The following DIP2B variants were observed in gnomAD, a reference collection of about 807,000 sequenced individuals.
The protein encoded by DIP2B is disco-interacting protein 2 homolog B.
Under a neutral mutation model 198.0 loss-of-function variants are expected in DIP2B, and 76 were observed. The observed-to-expected ratio is 0.38, with a 90% confidence interval of 0.32 to 0.46. The LOEUF (loss-of-function observed/expected upper bound fraction) is 0.46, where lower values mean the gene tolerates loss of function less well. Ranked by LOEUF, DIP2B falls within the 20% of genes least tolerant of loss-of-function variation. DIP2B has a pLI of 0.99. For missense variants in DIP2B, 1,559 were observed against 1,978.4 expected, an observed-to-expected ratio of 0.79 and a Z score of 4.02; for synonymous variants, 701 against 739.1, an observed-to-expected ratio of 0.95 and a Z score of 0.84.
chr12:50,689,145 C>T (rs1351033591), intron 12 of DIP2B, among the ~76,000 whole-genome samples: 1 of 152,172 alleles, frequency 6.6e-6, no homozygotes, highest in African/African-American at 2.4e-5. Context: ...CCCCTATTAT[C>T]CTAACACCTT....
Position 50,745,058 on chromosome 12 carries a change from C to T in DIP2B, c.*219C>T, listed in dbSNP as rs758095342. ...AACATTTGGTAGACATGTGCTTTGA[C>T]ATAGCGTGAGCAGCACATTACTAAA... On this transcript the variant is annotated 3_prime_UTR_variant, in exon 38 of 38. Transcript: ENST00000301180. The T allele has an allele frequency of 1.7e-5, 10 of 599,796 alleles. No homozygotes were observed. The highest frequency in any genetic ancestry group is 2.9e-5 in the Non-Finnish European group (10 of 349,846). 37.2% of individuals were successfully genotyped at this position (599,796 alleles called of 1,614,324 possible). A position where few individuals can be genotyped will look rare whatever the true frequency, so the allele number is the denominator to read the frequency against.
intron 23 of DIP2B, among the ~76,000 whole-genome samples, chr12:50,715,945 T>A (rs1939706630): frequency 6.6e-6 from 1 of 152,214 alleles, no homozygotes; most frequent in Non-Finnish European, 1.5e-5. Flanking sequence ...TACAGCAGTG[T>A]CTGCAATTAG....
chr12:50,740,734 T>C (rs1333641831), intron 36 of DIP2B, among the ~76,000 whole-genome samples: 1 of 152,240 alleles, frequency 6.6e-6, no homozygotes, highest in Non-Finnish European at 1.5e-5. Flanking sequence ...ACAAGCCTGT[T>C]AGAAACCAGG....
chr12:50,548,072 A>G (rs1227623063), intron 1 of DIP2B, among the ~76,000 whole-genome samples: 1 of 152,172 alleles, frequency 6.6e-6, no homozygotes, highest in Non-Finnish European at 1.5e-5. Context: ...CCTGCCTTTT[A>G]AAGAATAAAA....
At chr12:50,597,404 G>A (rs79381786) in intron 1 of DIP2B, among the ~76,000 whole-genome samples, 2,089 of 152,160 alleles carry the variant, frequency 0.014, 41 homozygotes, top group African/African-American at 0.047. Context: ...TTATCCATTG[G>A]GCAAATAACT....
In DIP2B at chr12:50,515,634, C is replaced by G. The variant is rs542770455; in HGVS notation, c.100+10394C>G. ...CCTCGTGCTCTCTCTGGGGTTTCTT[C>G]TACTCTTTCTTTCTCCTGATGAGGG... On this transcript the variant is annotated intron_variant, in intron 1 of 37. Transcript: ENST00000301180. Among the ~76,000 whole-genome samples the G allele has an allele frequency of 6.6e-5, 10 of 152,256 alleles. 1 individual carries two copies. The South Asian group carries it at 2.1e-3, about 32-fold the overall frequency.
chr12:50,675,062 C>G (rs1276691231), intron 6 of DIP2B, among the ~76,000 whole-genome samples: 3 of 152,094 alleles, frequency 2.0e-5, no homozygotes, highest in African/African-American at 7.2e-5. Context: ...GCACTCCAGC[C>G]TGGGGTGACA....
chr12:50,699,696 A>C (rs1330865570), intron 19 of DIP2B, among the ~76,000 whole-genome samples: 2 of 152,024 alleles, frequency 1.3e-5, no homozygotes, highest in African/African-American at 4.8e-5. Context: ...TCCCATCTCT[A>C]CCAAAAAATT....
intron 1 of DIP2B, among the ~76,000 whole-genome samples, chr12:50,525,155 AG>A (rs946540776): frequency 6.6e-6 from 1 of 152,140 alleles, no homozygotes; most frequent in African/African-American, 2.4e-5. Context: ...CAGGAGATTG[AG>A]ACCATCCTGG....
At chr12:50,678,603 C>A in intron 7 of DIP2B, 76 bp from the exon 8 acceptor site, 1 of 1,423,222 alleles carries the variant, frequency 7.0e-7, no homozygotes, top group Non-Finnish European at 9.6e-7. Context: ...AAGGAAGATG[C>A]AGTTGAGATT....
chr12:50,569,311 T>G (rs1225817524), intron 1 of DIP2B, among the ~76,000 whole-genome samples: 1 of 152,226 alleles, frequency 6.6e-6, no homozygotes. Flanking sequence ...CATCAATGTG[T>G]TCAATCTTAT....
chr12:50,630,484 T>C (rs1247400681), intron 2 of DIP2B, among the ~76,000 whole-genome samples: 7 of 152,028 alleles, frequency 4.6e-5, no homozygotes, highest in Admixed American at 2.6e-4. Flanking sequence ...TTAAGAATTA[T>C]AATCTTCCTT....
intron 12 of DIP2B, among the ~76,000 whole-genome samples, chr12:50,688,138 GGATGCAGAGGTTGCAGTGA>G (rs1939162979): frequency 6.6e-6 from 1 of 151,974 alleles, no homozygotes; most frequent in South Asian, 2.1e-4. Flanking sequence ...CTTGAACCCA[GGATGCAGAGGTTGCAGTGA>G]GCTGAGATCA....
At chr12:50,686,763 T>C in intron 12 of DIP2B, 81 bp downstream of exon 12, 1 of 1,334,390 alleles carries the variant, frequency 7.5e-7, no homozygotes, top group South Asian at 1.4e-5. Context: ...AAACTGAATT[T>C]TTGCAACGTT....
At chr12:50,585,893 GTATC>G (rs1420497311) in intron 1 of DIP2B, among the ~76,000 whole-genome samples, 1 of 152,178 alleles carries the variant, frequency 6.6e-6, no homozygotes, top group African/African-American at 2.4e-5. Flanking sequence ...AAAAATGAAT[GTATC>G]TATCACTATA....
chr12:50,566,513 G>A (rs1393840793), intron 1 of DIP2B, among the ~76,000 whole-genome samples: 1 of 152,002 alleles, frequency 6.6e-6, no homozygotes, highest in Non-Finnish European at 1.5e-5. Context: ...AATAAATTTG[G>A]AAGTTTGCAG....
intron 1 of DIP2B, among the ~76,000 whole-genome samples, chr12:50,537,442 G>C (rs1958280917): frequency 6.6e-6 from 1 of 152,112 alleles, no homozygotes; most frequent in Admixed American, 6.6e-5. Flanking sequence ...GACCAGGCGA[G>C]TGATAGTGTG....
At chr12:50,742,883 G>A (rs545478547) in intron 37 of DIP2B, among the ~76,000 whole-genome samples, 3 of 151,438 alleles carry the variant, frequency 2.0e-5, no homozygotes, top group East Asian at 2.0e-4. Flanking sequence ...GCAACAGAGC[G>A]AAACTCTGTC....
intron 4 of DIP2B, among the ~76,000 whole-genome samples, chr12:50,663,939 A>C (rs1246079428): frequency 6.6e-6 from 1 of 151,934 alleles, no homozygotes; most frequent in Non-Finnish European, 1.5e-5. Flanking sequence ...AATTAGCCTA[A>C]TAGCCTAATA....
Sources: allele counts gnomAD v4.1 joint callset (sites outside exome capture counted in the v4.1 genomes callset), GRCh38; gene constraint gnomAD v4.1.1; transcripts MANE v1.5; gene names NCBI Gene and HGNC (gene_info 2026-07-23, HGNC 2026-07-21).